The following GRIN3A variants were observed in gnomAD, a reference collection of about 807,000 sequenced individuals.
GRIN3A encodes the protein glutamate ionotropic receptor NMDA type subunit 3A, also known as glutamate receptor ionotropic, NMDA 3A.
Under a neutral mutation model 92.4 loss-of-function variants are expected in GRIN3A, and 47 were observed. The ratio of observed to expected loss-of-function variants is 0.51; its 90% CI spans 0.40 to 0.65. The LOEUF is 0.65. GRIN3A is among the 30% of genes least tolerant of loss of function. The probability of loss-of-function intolerance (pLI) is 0.00; values close to 1 mark genes in which losing one functional copy is unlikely to be tolerated. For synonymous variants in GRIN3A, 527 were observed against 540.6 expected (o/e 0.97, Z 0.35); for missense variants, 1,324 against 1,393.1 (o/e 0.95, Z 0.79).
At position 101,573,244 on chromosome 9, in the gene GRIN3A, A is replaced by T. The variant is rs1330676071; in HGVS notation, c.3278T>A (p.Leu1093Gln). ...EKQIQVIRQE[L>Q]QLAVSRKTEL... The stretch of plus-strand genomic sequence containing the variant: ...CGTTTTCCTGCTCACAGCCAGCTGC[A>T]GCTCCTGACGGATCACCTGAATCTG... Residue 1093 changes from leucine to glutamine, a missense_variant, in exon 9 of 9, where the codon CTG (leucine) becomes CAG (glutamine). By Grantham distance (113) the Leu-to-Gln change is moderately radical. Coordinates refer to ENST00000361820, the MANE Select transcript of GRIN3A (RefSeq NM_133445.3). 1 of 1,614,000 alleles carries T rather than the reference A, an allele frequency of 6.2e-7. No individual in the cohort carries two copies. The highest frequency in any genetic ancestry group is 1.3e-5 in the African/African-American group (1 of 74,932).
intron 1 of GRIN3A, among the ~76,000 whole-genome samples, chr9:101,694,120 T>C (rs1829652786): frequency 6.6e-6 from 1 of 152,156 alleles, no homozygotes; most frequent in African/African-American, 2.4e-5. Flanking sequence ...GTCTATTTCA[T>C]TGCAGCAGTG....
At chr9:101,624,876 G>A (rs1046024023) in intron 4 of GRIN3A, among the ~76,000 whole-genome samples, 1 of 152,124 alleles carries the variant, frequency 6.6e-6, no homozygotes, top group Non-Finnish European at 1.5e-5. Context: ...AGTTAGAATG[G>A]CAATCATTAA....
intron 1 of GRIN3A, among the ~76,000 whole-genome samples, chr9:101,693,931 G>T (rs1442871258): frequency 6.6e-6 from 1 of 152,158 alleles, no homozygotes; most frequent in Non-Finnish European, 1.5e-5. Flanking sequence ...TCTAGACTAT[G>T]TTCAACACCA....
intron 3 of GRIN3A, among the ~76,000 whole-genome samples, chr9:101,637,345 G>A (rs985314194): frequency 1.3e-5 from 2 of 152,014 alleles, no homozygotes; most frequent in Non-Finnish European, 2.9e-5. Context: ...CACCCGCCTC[G>A]GCTTCCCAAA....
At chr9:101,583,463 T>A (rs1827914941) in intron 6 of GRIN3A, among the ~76,000 whole-genome samples, 1 of 152,204 alleles carries the variant, frequency 6.6e-6, no homozygotes, top group African/African-American at 2.4e-5. Context: ...TGTGCATATG[T>A]GCATCTTCCC....
chr9:101,737,701 C>T lies in GRIN3A; in HGVS notation c.279G>A (p.Pro93=), dbSNP rs1193695768. The T allele has an allele frequency of 6.5e-7, 1 of 1,541,334 alleles. No homozygotes were observed. Among genetic ancestry groups the T allele is most frequent in the Non-Finnish European group, 8.7e-7 (1 of 1,149,308 alleles). The change falls in exon 1 of 9, where the codon CCG becomes CCA. Residue 93 remains proline (P), a synonymous_variant. Transcript: ENST00000361820. ...PGTRRSPAPS[P]GARWLGSTLH... ...GGGTGCTCCCCAACCAGCGTGCGCC[C>T]GGCGAGGGCGCCGGGGACCGCCTAG...
chr9:101,626,486 T>C (rs1828636492), intron 4 of GRIN3A, among the ~76,000 whole-genome samples: 1 of 152,072 alleles, frequency 6.6e-6, no homozygotes, highest in South Asian at 2.1e-4. Flanking sequence ...CGGGAAGTGG[T>C]GGCTGAGGGC....
At chr9:101,644,460 C>CAA (rs35576054) in intron 3 of GRIN3A, among the ~76,000 whole-genome samples, 21,821 of 94,788 alleles carry the variant, frequency 0.23, 2,087 homozygotes, top group Admixed American at 0.3. Flanking sequence ...ATTAGTCACT[C>CAA]AAAAAAAAAA....
chr9:101,701,659 A>T (rs759821166), intron 1 of GRIN3A, among the ~76,000 whole-genome samples: 5 of 152,346 alleles, frequency 3.3e-5, no homozygotes, highest in African/African-American at 1.2e-4. Flanking sequence ...CATGATGAAG[A>T]TGCCGAAAGC....
rs1829302719 is a variant in GRIN3A, at chr9:101,670,503, C to A, written c.1909G>T (p.Ala637Ser). The A allele has an allele frequency of 6.2e-7, 1 of 1,613,868 alleles. No homozygotes were observed. The highest frequency in any genetic ancestry group is 8.5e-7 in the Non-Finnish European group (1 of 1,179,966). ...GTGAAATCTATCACCTGGCTCCGTGCAGTATTGATGCTAAAGGAAGTGACT... is the reference window on the plus strand; with the variant it reads ...GTGAAATCTATCACCTGGCTCCGTGAAGTATTGATGCTAAAGGAAGTGACT... ...MAVTSFSINTARSQVIDFTSP... is the reference protein window; with the variant it reads ...MAVTSFSINTSRSQVIDFTSP... The change falls in exon 3 of 9, where the codon GCA (alanine) becomes TCA (serine). Residue 637 changes from alanine (A) to serine (S), a missense_variant. By Grantham distance (99) the Ala-to-Ser change is moderately conservative. Transcript: ENST00000361820.
rs1827736026 is a variant in GRIN3A, at chr9:101,569,916, G to C, written c.*3258C>G. 2 of 152,178 alleles carry C rather than the reference G, an allele frequency of 1.3e-5. No homozygotes were observed. The highest frequency in any genetic ancestry group is 2.1e-4 in the South Asian group (1 of 4,834). 9.4% of individuals were successfully genotyped at this position (152,178 alleles called of 1,614,324 possible). A position where few individuals can be genotyped will look rare whatever the true frequency, so the allele number is the denominator to read the frequency against. The stretch of plus-strand genomic sequence containing the variant: ...GTCTGTTACCCAGATGATAAGGTCT[G>C]TTCTGCTTGGCACTTGCTCCGCTTA... On this transcript the variant is annotated 3_prime_UTR_variant, in exon 9 of 9. Coordinates refer to ENST00000361820, the MANE Select transcript of GRIN3A (RefSeq NM_133445.3).
chr9:101,587,872 G>A (rs573808293), intron 6 of GRIN3A, among the ~76,000 whole-genome samples: 6 of 152,318 alleles, frequency 3.9e-5, no homozygotes, highest in South Asian at 2.1e-4. Context: ...AGCAGGACAA[G>A]GAAGAAGCAA....
In GRIN3A at chr9:101,610,230, G is replaced by T. The variant is rs187331432; in HGVS notation, c.2766+3146C>A. Among the ~76,000 whole-genome samples the T allele has an allele frequency of 4.6e-5, 7 of 152,280 alleles. No individual in the cohort carries two copies. The East Asian group carries it at 7.7e-4, about 17-fold the overall frequency. ...AAGATAAAAATGTCTACCTTACAGG[G>T]TCATAGTGAGAACTACGCTCTGGGT... is the stretch of plus-strand genomic sequence containing the variant. On this transcript the variant is annotated intron_variant, in intron 6 of 8. Transcript: ENST00000361820.
intron 3 of GRIN3A, among the ~76,000 whole-genome samples, chr9:101,665,885 T>G (rs531189755): frequency 1.3e-5 from 2 of 151,998 alleles, no homozygotes; most frequent in Non-Finnish European, 2.9e-5. Context: ...TCATCAGACA[T>G]TAAGACACAT....
At chr9:101,697,581 G>C (rs575741600) in intron 1 of GRIN3A, among the ~76,000 whole-genome samples, 144 of 152,310 alleles carry the variant, frequency 9.5e-4, no homozygotes, top group Non-Finnish European at 1.7e-3. Flanking sequence ...TCTGGCCCTT[G>C]TTGTAAACTC....
At chr9:101,663,235 C>A (rs1038257032) in intron 3 of GRIN3A, among the ~76,000 whole-genome samples, 8 of 151,860 alleles carry the variant, frequency 5.3e-5, no homozygotes, top group African/African-American at 1.7e-4. Flanking sequence ...CAGATCAGGT[C>A]TCCTGCCAGG....
chr9:101,603,471 T>C (rs758236593), intron 6 of GRIN3A, among the ~76,000 whole-genome samples: 1 of 152,180 alleles, frequency 6.6e-6, no homozygotes, highest in Non-Finnish European at 1.5e-5. Context: ...GTTTTGGAAG[T>C]TGCACAGCTT....
rs2118977084 is a variant in GRIN3A at position 101,686,580 on chromosome 9, A to G, written c.1304+16T>C. On this transcript the variant is annotated intron_variant, in intron 2 of 8. Transcript: ENST00000361820. ...GGCCCTATGAATGGGGATATAACCG[A>G]GACCTTGCATCCTACCTTGATAAAT... 1 of 1,614,090 alleles carries G rather than the reference A, an allele frequency of 6.2e-7. No homozygotes were observed. The highest frequency in any genetic ancestry group is 1.1e-5 in the South Asian group (1 of 91,068).
intron 5 of GRIN3A, among the ~76,000 whole-genome samples, chr9:101,621,548 C>G (rs1051222702): frequency 3.3e-5 from 5 of 152,122 alleles, no homozygotes; most frequent in Non-Finnish European, 5.9e-5. Context: ...TACTCTCTTG[C>G]AGGGAGGGCT....
Sources: gnomAD v4.1 joint callset for allele counts (sites outside exome capture counted in the v4.1 genomes callset) on GRCh38, gnomAD v4.1.1 for gene constraint, MANE v1.5 for transcripts, NCBI Gene and HGNC (gene_info 2026-07-23, HGNC 2026-07-21) for gene names.